PPP1R9A: variants seen among roughly 807,000 people sequenced by gnomAD.
The protein encoded by PPP1R9A is neurabin-1.
In PPP1R9A, 59 loss-of-function variants were observed where a neutral mutation model predicts 141.9. The ratio of observed to expected loss-of-function variants is 0.42; its 90% confidence interval spans 0.34 to 0.52. The LOEUF is 0.52. Among genes scored for constraint, PPP1R9A ranks in the 20% least tolerant of loss-of-function variants. The pLI, the probability that PPP1R9A is intolerant of heterozygous loss-of-function variation, is 0.10. For synonymous variants in PPP1R9A, 500 were observed against 569.7 expected, an observed-to-expected ratio of 0.88 and a Z score of 1.74; for missense variants, 1,444 against 1,611.9, an observed-to-expected ratio of 0.90 and a Z score of 1.78.
chr7:94,912,223 A>G lies in PPP1R9A; in HGVS notation c.1395+715A>G, dbSNP rs151246611. On this transcript the variant is annotated intron_variant, in intron 2 of 19. Coordinates refer to ENST00000433360, the MANE Select transcript of PPP1R9A (RefSeq NM_001166160.2). ...CCTCTTAAAAACTGGATAAATGCCA[A>G]TGGAATTCACATGCTCTAATGACTT... Among the ~76,000 whole-genome samples the G allele has an allele frequency of 8.5e-4, 129 of 152,358 alleles. 1 individual carries two copies. The highest frequency in any genetic ancestry group is 2.5e-3 in the African/African-American group (102 of 41,590).
intron 12 of PPP1R9A, among the ~76,000 whole-genome samples, chr7:95,260,199 G>A (rs1475816377): frequency 2.0e-5 from 3 of 152,130 alleles, no homozygotes; most frequent in African/African-American, 7.2e-5. Flanking sequence ...GTCTAGTTTT[G>A]TGCAAGTTTT....
rs569889239 is a variant in PPP1R9A at position 95,107,484 on chromosome 7, T to C, written c.1396-3775T>C. On this transcript the variant is annotated intron_variant, in intron 2 of 19. Coordinates refer to ENST00000433360, the MANE Select transcript of PPP1R9A (RefSeq NM_001166160.2). ...CCTGTTAGCTAAACATTGTCCCAAA[T>C]TTTCTTTTGGCACTTTTTATATATG... is the stretch of plus-strand genomic sequence containing the variant. 3.3e-5 allele frequency among the ~76,000 whole-genome samples: 5 copies of C among 152,278 alleles called. No individual in the cohort carries two copies. In the South Asian group the frequency reaches 1.0e-3, roughly 32 times the overall value.
intron 2 of PPP1R9A, among the ~76,000 whole-genome samples, chr7:94,969,247 G>T (rs890880217): frequency 1.3e-5 from 2 of 152,062 alleles, no homozygotes; most frequent in Non-Finnish European, 1.5e-5. Flanking sequence ...GGAATTTTCA[G>T]CCTTTTTGTG....
chr7:95,230,109 A>AG, intron 8 of PPP1R9A, among the ~76,000 whole-genome samples: 1 of 152,324 alleles, frequency 6.6e-6, no homozygotes, highest in Admixed American at 6.5e-5. Context: ...TCCTAGGGTA[A>AG]GGGAGAGAAC....
intron 2 of PPP1R9A, among the ~76,000 whole-genome samples, chr7:94,967,727 A>G (rs1480191595): frequency 6.6e-6 from 1 of 151,546 alleles, no homozygotes; most frequent in African/African-American, 2.4e-5. Context: ...CTCTTGAGTG[A>G]GTTTCTTAAT....
chr7:94,993,140 T>C (rs780518290), intron 2 of PPP1R9A, among the ~76,000 whole-genome samples: 18 of 152,034 alleles, frequency 1.2e-4, no homozygotes, highest in Non-Finnish European at 2.2e-4. Context: ...GTACCTTTTT[T>C]CAAAAAGACC....
At chr7:94,931,312 T>G (rs1453129763) in intron 2 of PPP1R9A, among the ~76,000 whole-genome samples, 1 of 152,188 alleles carries the variant, frequency 6.6e-6, no homozygotes, top group African/African-American at 2.4e-5. Context: ...ATTGACCCAA[T>G]TGACCCAGTT....
At chr7:95,081,343 T>A (rs556929550) in intron 2 of PPP1R9A, among the ~76,000 whole-genome samples, 11 of 152,296 alleles carry the variant, frequency 7.2e-5, no homozygotes, top group African/African-American at 2.6e-4. Flanking sequence ...AGAATTAGTA[T>A]ACAAGAATAT....
At chr7:95,275,833 TGAG>T (rs1201651085) in intron 16 of PPP1R9A, among the ~76,000 whole-genome samples, 2 of 152,108 alleles carry the variant, frequency 1.3e-5, no homozygotes, top group East Asian at 3.9e-4. Flanking sequence ...GGGCGGGAGA[TGAG>T]GAGAGAGAAT....
intron 2 of PPP1R9A, among the ~76,000 whole-genome samples, chr7:94,924,782 G>C (rs1481002115): frequency 6.6e-6 from 1 of 151,944 alleles, no homozygotes; most frequent in Non-Finnish European, 1.5e-5. Flanking sequence ...TACCCACCTC[G>C]GCCTCCCAAA....
intron 2 of PPP1R9A, among the ~76,000 whole-genome samples, chr7:95,075,344 G>A (rs1294179433): frequency 2.0e-5 from 3 of 152,040 alleles, no homozygotes; most frequent in African/African-American, 4.8e-5. Context: ...TACTAAAAAT[G>A]TAGGGGAGGA....
At chr7:95,105,917 T>G (rs1292464079) in intron 2 of PPP1R9A, among the ~76,000 whole-genome samples, 1 of 152,096 alleles carries the variant, frequency 6.6e-6, no homozygotes, top group African/African-American at 2.4e-5. Context: ...AGATTTTTGC[T>G]TAAAGGGCAT....
chr7:95,204,704 C>A (rs1169816712), intron 7 of PPP1R9A, among the ~76,000 whole-genome samples: 1 of 140,590 alleles, frequency 7.1e-6, no homozygotes, highest in Non-Finnish European at 1.6e-5. Context: ...CCACACACAC[C>A]ACACACACAC....
At chr7:95,261,187 A>G (rs1800379795) in intron 12 of PPP1R9A, among the ~76,000 whole-genome samples, 1 of 152,192 alleles carries the variant, frequency 6.6e-6, no homozygotes, top group Non-Finnish European at 1.5e-5. Flanking sequence ...TAAGATATCT[A>G]ATAGCCAAGA....
rs1385177883 is a variant in PPP1R9A, at chr7:95,292,971, ATTG to A, written c.*2671_*2673del. 2.6e-5 allele frequency: 4 copies of A among 152,330 alleles called. No individual in the cohort carries two copies. In the East Asian group the frequency reaches 5.8e-4, roughly 22 times the overall value. 9.4% of individuals were successfully genotyped at this position (152,330 alleles called of 1,614,324 possible). A position where few individuals can be genotyped will look rare whatever the true frequency, so the allele number is the denominator to read the frequency against. ...CAGTGTCCTTACAATTTAACACAGAATTGTTATTTCATCAACCTTAAAAACTGC... is the reference window on the plus strand; with the variant it reads ...CAGTGTCCTTACAATTTAACACAGAATTATTTCATCAACCTTAAAAACTGC... On this transcript the variant is annotated 3_prime_UTR_variant, in exon 20 of 20. Transcript: ENST00000433360.
intron 2 of PPP1R9A, among the ~76,000 whole-genome samples, chr7:95,032,091 C>G (rs939110478): frequency 7.2e-5 from 11 of 152,066 alleles, no homozygotes; most frequent in Admixed American, 5.2e-4. Context: ...TTTATTGTTT[C>G]TGTTTGAAAT....
intron 4 of PPP1R9A, among the ~76,000 whole-genome samples, chr7:95,146,512 T>C (rs904689807): frequency 6.6e-6 from 1 of 152,224 alleles, no homozygotes; most frequent in African/African-American, 2.4e-5. Flanking sequence ...TAGATCCCAT[T>C]TGTGAATTTT....
At chr7:95,250,733 C>T (rs1405149857) in intron 10 of PPP1R9A, among the ~76,000 whole-genome samples, 1 of 152,160 alleles carries the variant, frequency 6.6e-6, no homozygotes, top group Non-Finnish European at 1.5e-5. Context: ...GCAAGGCCCC[C>T]TGCCCTGCCA....
At chr7:95,176,302 G>A (rs1832886295) in intron 5 of PPP1R9A, among the ~76,000 whole-genome samples, 1 of 151,996 alleles carries the variant, frequency 6.6e-6, no homozygotes, top group Non-Finnish European at 1.5e-5. Context: ...ACAGGAAAAG[G>A]GGGAGAGTAC....
Sources: gnomAD v4.1 joint callset for allele counts (sites outside exome capture counted in the v4.1 genomes callset) on GRCh38, gnomAD v4.1.1 for gene constraint, MANE v1.5 for transcripts, NCBI Gene and HGNC (gene_info 2026-07-23, HGNC 2026-07-21) for gene names.